CELA2A: variants seen among roughly 807,000 people sequenced by gnomAD.
The protein encoded by CELA2A is chymotrypsin like elastase 2A.
A neutral mutation model predicts 35.3 loss-of-function variants in CELA2A; 31 were observed. That is an observed-to-expected ratio of 0.88 (90% confidence interval 0.66 to 1.19). The LOEUF (loss-of-function observed/expected upper bound fraction) is 1.19. Among genes scored for constraint, CELA2A ranks in the 50% most tolerant of loss-of-function variants. The pLI is 0.00. For missense variants in CELA2A, 330 were observed against 352.9 expected (o/e 0.94, Z 0.52); for synonymous variants, 150 against 149.8 (o/e 1.00, Z -0.01).
chr1:15,471,702 A>G (rs3820068), intron 7 of CELA2A, among the ~76,000 whole-genome samples: 34,667 of 152,138 alleles, frequency 0.23, 4,392 homozygotes, highest in African/African-American at 0.32. Context: ...TATGCCATCC[A>G]CACATTTGGA....
In CELA2A at chr1:15,462,830, A is replaced by G. The variant is rs1271117662; in HGVS notation, c.325A>G (p.Lys109Glu). The G allele has an allele frequency of 1.2e-6, 2 of 1,614,002 alleles. No homozygotes were observed. The highest frequency in any genetic ancestry group is 2.7e-5 in the African/African-American group (2 of 74,914). The stretch of plus-strand genomic sequence containing the variant: ...CAGTGTCTCTAAGATTGTGGTGCAC[A>G]AGGACTGGAACTCCAACCAAATCTC... ...AVSVSKIVVH[K>E]DWNSNQISKG... The change falls in exon 4 of 8, where the codon AAG becomes GAG. Residue 109 changes from lysine (K) to glutamate (E), a missense_variant. Coordinates refer to ENST00000359621, the MANE Select transcript of CELA2A (RefSeq NM_033440.3).
intron 6 of CELA2A, 62 bp from the exon 7 acceptor site, chr1:15,467,324 A>G (rs1029446406): frequency 3.9e-6 from 6 of 1,531,128 alleles, no homozygotes; most frequent in Non-Finnish European, 5.4e-6. Flanking sequence ...ATTGAGAACA[A>G]TGGTTCCAAT....
intron 3 of CELA2A, chr1:15,462,187 C>G (rs1264424513): frequency 4.3e-6 from 2 of 469,812 alleles, no homozygotes; most frequent in Non-Finnish European, 8.8e-6. Flanking sequence ...CTCATCACAG[C>G]TGGAACTCAC....
At chr1:15,462,917 T>C (rs564853506) in intron 4 of CELA2A, 56 bp downstream of exon 4, 1 of 1,611,696 alleles carries the variant, frequency 6.2e-7, no homozygotes, top group East Asian at 2.2e-5. Context: ...CAGATGGGGG[T>C]CTCACAGAGG....
rs867193439 is a variant in CELA2A at position 15,461,684 on chromosome 1, G to T, written c.227+26G>T. 1.5e-5 allele frequency: 25 copies of T among 1,613,806 alleles called. No homozygotes were observed. The Middle Eastern group carries it at 9.9e-4, about 64-fold the overall frequency. ...GTAACTGCCTTTCCCTGGGCGCTTG[G>T]CCTGCTCACCAGCTGGTGCTCATTT... is the stretch of plus-strand genomic sequence containing the variant. On this transcript the variant is annotated intron_variant, in intron 3 of 7. Transcript: ENST00000359621.
At chr1:15,457,742 AT>A (rs1708381758) in intron 2 of CELA2A, 1 of 153,294 alleles carries the variant, frequency 6.5e-6, no homozygotes, top group Non-Finnish European at 1.5e-5. Context: ...GTATTACTCT[AT>A]TAACCAATCA....
chr1:15,456,967 C>A, intron 1 of CELA2A, 119 bp from the exon 2 acceptor site: 5 of 1,259,490 alleles, frequency 4.0e-6, no homozygotes, highest in Non-Finnish European at 5.7e-6. Context: ...GATTCTATGA[C>A]CTCTTGGGAT....
chr1:15,461,839 T>C lies in CELA2A; in HGVS notation c.227+181T>C, dbSNP rs1264725009. 6 of 760,350 alleles carry C rather than the reference T, an allele frequency of 7.9e-6. No individual in the cohort carries two copies. In the Admixed American group the frequency reaches 8.0e-5, roughly 10 times the overall value. 47.1% of individuals were successfully genotyped at this position (760,350 alleles called of 1,614,324 possible). Reference sequence around the variant, plus strand: ...GTGTTGGCCCATCAATGTCAGTACATGGCATGGATGGAGTGTCTGTGCCAG... The same window carrying C: ...GTGTTGGCCCATCAATGTCAGTACACGGCATGGATGGAGTGTCTGTGCCAG... On this transcript the variant is annotated intron_variant, in intron 3 of 7. Transcript: ENST00000359621.
At chr1:15,464,352 C>G (rs574982779) in intron 5 of CELA2A, among the ~76,000 whole-genome samples, 6 of 152,076 alleles carry the variant, frequency 3.9e-5, no homozygotes, top group Non-Finnish European at 7.4e-5. Flanking sequence ...TGAATGAGGG[C>G]GGGTCTCCTT....
In CELA2A at chr1:15,457,155, C is replaced by T; in HGVS notation, c.110C>T (p.Pro37Leu). The T allele has an allele frequency of 6.2e-7, 1 of 1,614,144 alleles. No individual in the cohort carries two copies. The highest frequency in any genetic ancestry group is 1.1e-5 in the South Asian group (1 of 91,086). Residue 37 changes from proline to leucine, a missense_variant, in exon 2 of 8, where the codon CCC becomes CTC. Coordinates refer to ENST00000359621, the MANE Select transcript of CELA2A (RefSeq NM_033440.3). Reference protein sequence around the residue: ...TRVVGGEEARPNSWPWQVSLQ... With the variant: ...TRVVGGEEARLNSWPWQVSLQ... Reference sequence around the variant, plus strand: ...GTGGTTGGCGGTGAAGAAGCGAGGCCCAACAGCTGGCCCTGGCAGGTGAGT... The same window carrying T: ...GTGGTTGGCGGTGAAGAAGCGAGGCTCAACAGCTGGCCCTGGCAGGTGAGT...
rs749380925 is a variant in CELA2A, at chr1:15,462,796, G to C, written c.291G>C (p.Ser97=). ...RHNLYVAESG[S]LAVSVSKIVV... ...ACCTCTACGTTGCGGAGTCCGGCTC[G>C]CTGGCAGTCAGTGTCTCTAAGATTG... Residue 97 remains serine (S), a synonymous_variant, in exon 4 of 8, where the codon TCG becomes TCC. Coordinates refer to ENST00000359621, the MANE Select transcript of CELA2A (RefSeq NM_033440.3). 3.7e-6 allele frequency: 6 copies of C among 1,613,988 alleles called. No individual in the cohort carries two copies. The highest frequency in any genetic ancestry group is 1.3e-5 in the African/African-American group (1 of 74,900).
Position 15,462,740 on chromosome 1 carries a change from A to G in CELA2A, c.235A>G (p.Arg79Gly), listed in dbSNP as rs776751440. Residue 79 changes from arginine to glycine, a missense_variant, in exon 4 of 8, where the codon AGG becomes GGG. Physicochemically the swap from Arg to Gly is moderately radical, Grantham distance 125. Coordinates refer to ENST00000359621, the MANE Select transcript of CELA2A (RefSeq NM_033440.3). ...LTAAHCISSSRTYRVGLGRHN... is the reference protein window; with the variant it reads ...LTAAHCISSSGTYRVGLGRHN... ...GGGCCCCCTTTCTCCCAGCTCCTCC[A>G]GGACCTACCGCGTGGGGCTGGGCCG... The G allele has an allele frequency of 1.7e-5, 28 of 1,613,860 alleles. No homozygotes were observed. In the Admixed American group the frequency reaches 3.8e-4, roughly 22 times the overall value.
At chr1:15,468,091 TAAAAAAAAA>T (rs35520894) in intron 7 of CELA2A, among the ~76,000 whole-genome samples, 1 of 86,430 alleles carries the variant, frequency 1.2e-5, no homozygotes, top group African/African-American at 4.6e-5. Flanking sequence ...AAACTCCATC[TAAAAAAAAA>T]AAAAAAAAAA....
rs1415032594 is a variant in CELA2A at position 15,466,167 on chromosome 1, C to T, written c.639+23C>T. 1.9e-6 allele frequency: 3 copies of T among 1,611,406 alleles called. No homozygotes were observed. The South Asian group carries it at 3.3e-5, about 18-fold the overall frequency. ...AACGTGAGTACCAAAATCAGGGGCTCCGCTCCATGACAAAATGTGGCTGGG... is the reference window on the plus strand; with the variant it reads ...AACGTGAGTACCAAAATCAGGGGCTTCGCTCCATGACAAAATGTGGCTGGG... On this transcript the variant is annotated intron_variant, in intron 6 of 7. Coordinates refer to ENST00000359621, the MANE Select transcript of CELA2A (RefSeq NM_033440.3).
chr1:15,469,833 T>C (rs1024672633), intron 7 of CELA2A, among the ~76,000 whole-genome samples: 28 of 152,148 alleles, frequency 1.8e-4, no homozygotes, highest in African/African-American at 6.5e-4. Flanking sequence ...TAGGGGCCTT[T>C]CTCAGCCAAA....
intron 5 of CELA2A, among the ~76,000 whole-genome samples, chr1:15,464,674 C>T (rs543360592): frequency 3.3e-4 from 50 of 152,240 alleles, no homozygotes; most frequent in Middle Eastern, 3.4e-3. Context: ...CTGCGGTGAG[C>T]GGTGGTGGAA....
chr1:15,469,244 C>A (rs1293709574), intron 7 of CELA2A, among the ~76,000 whole-genome samples: 1 of 152,082 alleles, frequency 6.6e-6, no homozygotes, highest in African/African-American at 2.4e-5. Flanking sequence ...CACCATGCCT[C>A]GTACTGGATG....
At chr1:15,470,961 T>C (rs1708582059) in intron 7 of CELA2A, among the ~76,000 whole-genome samples, 2 of 152,190 alleles carry the variant, frequency 1.3e-5, no homozygotes, top group Admixed American at 1.3e-4. Flanking sequence ...ATAGACACTG[T>C]CTTCTATGCA....
chr1:15,465,177 A>G, intron 5 of CELA2A, among the ~76,000 whole-genome samples: 1 of 151,712 alleles, frequency 6.6e-6, no homozygotes, highest in Admixed American at 6.6e-5. Flanking sequence ...ATGCCCGGGT[A>G]ATTTTTGTAT....
Sources: allele counts gnomAD v4.1 joint callset (sites outside exome capture counted in the v4.1 genomes callset), GRCh38; gene constraint gnomAD v4.1.1; transcripts MANE v1.5; gene names NCBI Gene and HGNC (gene_info 2026-07-23, HGNC 2026-07-21).